The following TANC2 variants were observed in gnomAD, a reference collection of about 807,000 sequenced individuals.
TANC2 encodes the protein protein TANC2.
TANC2 carries 26 observed loss-of-function variants against 210.5 expected under a neutral mutation model. That is an observed-to-expected ratio of 0.12 (90% CI 0.09 to 0.17). TANC2 has a LOEUF of 0.17. TANC2 is among the 10% of genes least tolerant of loss of function. TANC2 has a pLI of 1.00. For synonymous variants in TANC2, 931 were observed against 967.1 expected (o/e 0.96, Z 0.69); for missense variants, 2,129 against 2,608.9 (o/e 0.82, Z 4.01).
intron 5 of TANC2, among the ~76,000 whole-genome samples, chr17:63,155,818 A>G (rs1453262626): frequency 6.6e-6 from 1 of 152,204 alleles, no homozygotes; most frequent in Non-Finnish European, 1.5e-5. Flanking sequence ...ATATTTGTGT[A>G]TATTCTGCAC....
chr17:63,144,672 CAT>C (rs2039405856), intron 4 of TANC2, among the ~76,000 whole-genome samples: 2 of 152,142 alleles, frequency 1.3e-5, no homozygotes, highest in East Asian at 1.9e-4. Flanking sequence ...GTTTATAAAA[CAT>C]GTACTTCATT....
At chr17:63,381,582 G>C (rs550991811) in intron 15 of TANC2, 49 of 152,216 alleles carry the variant, frequency 3.2e-4, no homozygotes, top group Non-Finnish European at 5.3e-4. Context: ...AATCCAATGG[G>C]TACTTTTTTC....
chr17:63,005,374 A>G (rs2033572065), intron 1 of TANC2, among the ~76,000 whole-genome samples: 1 of 152,144 alleles, frequency 6.6e-6, no homozygotes, highest in Non-Finnish European at 1.5e-5. Context: ...TTCAGGTGGT[A>G]TAAATGCCCA....
intron 1 of TANC2, among the ~76,000 whole-genome samples, chr17:62,972,210 G>A (rs1192576526): frequency 6.6e-6 from 1 of 152,118 alleles, no homozygotes; most frequent in Non-Finnish European, 1.5e-5. Context: ...AGCTGTGTTT[G>A]TGGATATGTC....
At chr17:63,268,337 A>G (rs1480474600) in intron 9 of TANC2, among the ~76,000 whole-genome samples, 1 of 152,218 alleles carries the variant, frequency 6.6e-6, no homozygotes, top group African/African-American at 2.4e-5. Flanking sequence ...ATGACACCAC[A>G]AGTGGAAAAT....
At chr17:63,187,432 C>T (rs1288399667) in intron 5 of TANC2, among the ~76,000 whole-genome samples, 1 of 152,158 alleles carries the variant, frequency 6.6e-6, no homozygotes, top group Non-Finnish European at 1.5e-5. Flanking sequence ...AACTAGACTA[C>T]AGACCTTACT....
At chr17:63,082,188 A>C (rs974721504) in intron 3 of TANC2, among the ~76,000 whole-genome samples, 1 of 152,166 alleles carries the variant, frequency 6.6e-6, no homozygotes, top group Non-Finnish European at 1.5e-5. Context: ...AGAAGTTCAG[A>C]AAAGGTATGA....
chr17:63,097,502 T>C (rs566852941), intron 3 of TANC2, among the ~76,000 whole-genome samples: 3 of 152,028 alleles, frequency 2.0e-5, no homozygotes, highest in Admixed American at 6.6e-5. Context: ...CTGGGCCACA[T>C]TGGAATAAGT....
At chr17:63,192,857 A>G (rs2041230540) in intron 5 of TANC2, among the ~76,000 whole-genome samples, 1 of 152,206 alleles carries the variant, frequency 6.6e-6, no homozygotes, top group Non-Finnish European at 1.5e-5. Context: ...TAGATTATAA[A>G]CTTTTCAAAG....
intron 8 of TANC2, among the ~76,000 whole-genome samples, chr17:63,246,627 C>T (rs1429051896): frequency 1.3e-5 from 2 of 152,038 alleles, no homozygotes; most frequent in African/African-American, 2.4e-5. Context: ...AGGTTTATGA[C>T]GTATATATAT....
At chr17:63,331,777 CT>C (rs2045851808) in intron 11 of TANC2, among the ~76,000 whole-genome samples, 1 of 151,846 alleles carries the variant, frequency 6.6e-6, no homozygotes, top group African/African-American at 2.4e-5. Flanking sequence ...ACCAAACAAC[CT>C]TGTACAGAAC....
chr17:62,998,469 T>G (rs2033221086), intron 1 of TANC2, among the ~76,000 whole-genome samples: 1 of 152,054 alleles, frequency 6.6e-6, no homozygotes, highest in African/African-American at 2.4e-5. Context: ...TCCTCCAAGG[T>G]TGAACTGAAA....
intron 2 of TANC2, among the ~76,000 whole-genome samples, chr17:63,035,911 G>A (rs1342493219): frequency 6.6e-6 from 1 of 152,114 alleles, no homozygotes; most frequent in Admixed American, 6.6e-5. Flanking sequence ...TGTGTGTAGT[G>A]GTATTTCATT....
chr17:63,233,338 T>C (rs1167571962), intron 7 of TANC2, among the ~76,000 whole-genome samples: 2 of 151,834 alleles, frequency 1.3e-5, no homozygotes, highest in Non-Finnish European at 2.9e-5. Context: ...CAAACCCTGG[T>C]GGTGTGTGTG....
chr17:63,198,222 G>A (rs9906849), intron 6 of TANC2, among the ~76,000 whole-genome samples: 33,467 of 150,764 alleles, frequency 0.22, 3,810 homozygotes, highest in South Asian at 0.3. Context: ...TTGAGACAGA[G>A]TCTCACTCTG....
chr17:63,092,458 T>C (rs2037234752), intron 3 of TANC2, among the ~76,000 whole-genome samples: 1 of 152,018 alleles, frequency 6.6e-6, no homozygotes. Flanking sequence ...TGATTAATGA[T>C]GTTGAGCATC....
At chr17:63,411,685 T>G (rs1599069635) in exon 22 of TANC2, 1 of 1,609,898 alleles carries the variant, frequency 6.2e-7, no homozygotes, top group Non-Finnish European at 8.5e-7. Context: ...GATGCTGAGG[T>G]GGTAAGTACC....
intron 5 of TANC2, among the ~76,000 whole-genome samples, chr17:63,184,125 T>C (rs558545289): frequency 6.6e-6 from 1 of 152,350 alleles, no homozygotes; most frequent in South Asian, 2.1e-4. Flanking sequence ...ACATATTTCA[T>C]ATATAATTTC....
chr17:62,978,324 T>G (rs1373415143), intron 1 of TANC2, among the ~76,000 whole-genome samples: 1 of 152,238 alleles, frequency 6.6e-6, no homozygotes, highest in African/African-American at 2.4e-5. Context: ...ACATGATTAT[T>G]TCTCTTTTTT....
Sources: allele counts gnomAD v4.1 joint callset (sites outside exome capture counted in the v4.1 genomes callset), GRCh38; gene constraint gnomAD v4.1.1; transcripts MANE v1.5; gene names NCBI Gene and HGNC (gene_info 2026-07-23, HGNC 2026-07-21).